The following ABCC6 variants were observed in gnomAD, a reference collection of about 807,000 sequenced individuals.
The protein encoded by ABCC6 is ATP-binding cassette sub-family C member 6.
In ABCC6, 126 loss-of-function variants were observed where a neutral mutation model predicts 169.5. That is an observed-to-expected ratio of 0.74 (90% CI 0.64 to 0.86). The LOEUF (loss-of-function observed/expected upper bound fraction) is 0.86. Among genes scored for constraint, ABCC6 ranks in the 40% least tolerant of loss-of-function variants. The probability of loss-of-function intolerance (pLI) is 0.00; values close to 1 mark genes in which losing one functional copy is unlikely to be tolerated. For synonymous variants in ABCC6, 752 were observed against 814.7 expected, an observed-to-expected ratio of 0.92 and a Z score of 1.31; for missense variants, 1,733 against 1,927.2, an observed-to-expected ratio of 0.90 and a Z score of 1.89.
chr16:16,149,978 A>T lies in ABCC6; in HGVS notation c.*155T>A. 1 of 1,171,142 alleles carries T rather than the reference A, an allele frequency of 8.5e-7. No individual in the cohort carries two copies. The highest frequency in any genetic ancestry group is 2.6e-5 in the East Asian group (1 of 39,018). The allele number at this position is 1,171,142 out of a possible 1,614,324, so 72.5% of individuals were successfully genotyped here. A position where few individuals can be genotyped will look rare whatever the true frequency, so the allele number is the denominator to read the frequency against. Reference sequence around the variant, plus strand: ...CCTTCCGGCTCTGATGCTCTGTGATAATTGGCCACTTTCTCTGCCATTTTC... The same window carrying T: ...CCTTCCGGCTCTGATGCTCTGTGATTATTGGCCACTTTCTCTGCCATTTTC... On this transcript the variant is annotated 3_prime_UTR_variant, in exon 31 of 31. Coordinates refer to ENST00000205557, the MANE Select transcript of ABCC6 (RefSeq NM_001171.6).
chr16:16,214,363 C>T lies in ABCC6; in HGVS notation c.561G>A (p.Ala187=), dbSNP rs772153614. The stretch of plus-strand genomic sequence containing the variant: ...CTTCAGGGAAGAAGGGGGGTTGATC[C>T]GCCAGGCAGGACAGCACAAACTGTG... ...VVAQFVLSCL[A]DQPPFFPEDP... The change falls in exon 5 of 31, where the codon GCG becomes GCA. Residue 187 remains alanine (A), a synonymous_variant. Coordinates refer to ENST00000205557, the MANE Select transcript of ABCC6 (RefSeq NM_001171.6). 3.1e-5 allele frequency: 48 copies of T among 1,550,640 alleles called. No homozygotes were observed. In the Middle Eastern group the frequency reaches 8.3e-4, roughly 27 times the overall value.
In ABCC6 at chr16:16,151,866, G is replaced by A. The variant is rs114775439; in HGVS notation, c.4209-1094C>T. Among the ~76,000 whole-genome samples, 1,026 of 152,134 alleles carry A rather than the reference G, an allele frequency of 6.7e-3. 11 individuals are homozygous for A. Among genetic ancestry groups the A allele is most frequent in the African/African-American group, 0.023 (955 of 41,498 alleles). The stretch of plus-strand genomic sequence containing the variant: ...CAGAGTCTGTGCTCCTAATGGATCC[G>A]TCCTCGCTGAATCGTGACGACATGG... On this transcript the variant is annotated intron_variant, in intron 29 of 30. Coordinates refer to ENST00000205557, the MANE Select transcript of ABCC6 (RefSeq NM_001171.6).
At chr16:16,187,239 CAGCAAGAAG>C in intron 13 of ABCC6, 28 bp from the exon 14 acceptor site, 2 of 1,595,458 alleles carry the variant, frequency 1.3e-6, no homozygotes, top group Non-Finnish European at 1.7e-6. Context: ...GCAGGTCACC[CAGCAAGAAG>C]AGCAAAGAAC....
rs2048760538 is a variant in ABCC6, at chr16:16,214,190, T to C, written c.600+134A>G. ...CCATATAGAAAAAGTCTGCCAACTGTGGCATCGAGTAGAAATGTGGTACAC... is the reference window on the plus strand; with the variant it reads ...CCATATAGAAAAAGTCTGCCAACTGCGGCATCGAGTAGAAATGTGGTACAC... On this transcript the variant is annotated intron_variant, in intron 5 of 30. Transcript: ENST00000205557. 3.4e-5 allele frequency: 51 copies of C among 1,514,984 alleles called. No homozygotes were observed. The South Asian group carries it at 5.7e-4, about 17-fold the overall frequency. The allele number at this position is 1,514,984 out of a possible 1,614,324, so 93.8% of individuals were successfully genotyped here.
chr16:16,182,537 C>A lies in ABCC6; in HGVS notation c.2122G>T (p.Val708Leu). ...QEAWVQNTSV[V>L]ENVCFGQELD... ...TCCTGCCCGAAGCACACATTCTCTA[C>A]CACAGAGGTGTTCTGCACCCAGGCC... Residue 708 changes from valine (V) to leucine (L), a missense_variant, in exon 17 of 31, where the codon GTA becomes TTA. Transcript: ENST00000205557. 6.2e-7 allele frequency: 1 copy of A among 1,614,156 alleles called. No homozygotes were observed. Among genetic ancestry groups the A allele is most frequent in the Non-Finnish European group, 8.5e-7 (1 of 1,179,996 alleles).
intron 4 of ABCC6, among the ~76,000 whole-genome samples, chr16:16,215,156 G>A (rs1258773445): frequency 1.3e-5 from 2 of 152,188 alleles, no homozygotes; most frequent in Non-Finnish European, 2.9e-5. Context: ...GATGAGAGCT[G>A]GTTTTATTGA....
Position 16,185,042 on chromosome 16 carries a change from G to A in ABCC6, c.1868-8C>T. On this transcript the variant is annotated splice_region_variant and splice_polypyrimidine_tract_variant and intron_variant, in intron 14 of 30. Transcript: ENST00000205557. The stretch of plus-strand genomic sequence containing the variant: ...TGCAATCCTTCCCGGCAGCTGCAGG[G>A]CACAAGAGGCCATTTACAGGAGACC... 1.2e-6 allele frequency: 2 copies of A among 1,612,152 alleles called. No individual in the cohort carries two copies.
intron 9 of ABCC6, among the ~76,000 whole-genome samples, chr16:16,200,324 G>T (rs936432213): frequency 2.0e-5 from 3 of 150,812 alleles, no homozygotes; most frequent in Admixed American, 1.3e-4. Context: ...AGCTACTCAG[G>T]AAGCTGAGAC....
At chr16:16,214,233 A>C (rs1352954395) in intron 5 of ABCC6, 91 bp downstream of exon 5, 5 of 1,545,744 alleles carry the variant, frequency 3.2e-6, no homozygotes, top group East Asian at 2.4e-5. Context: ...TGAATGGCTA[A>C]ATGAATAAAA....
chr16:16,161,403 G>T, intron 25 of ABCC6, 35 bp downstream of exon 25: 1 of 1,613,380 alleles, frequency 6.2e-7, no homozygotes, highest in Non-Finnish European at 8.5e-7. Flanking sequence ...GCCTCTGTCT[G>T]TCCCTCAAGC....
chr16:16,170,170 G>A (rs201134336), intron 21 of ABCC6, among the ~76,000 whole-genome samples: 1 of 150,930 alleles, frequency 6.6e-6, no homozygotes, highest in Non-Finnish European at 1.5e-5. Context: ...GCATGATCAT[G>A]GCTCACTGCA....
intron 10 of ABCC6, among the ~76,000 whole-genome samples, chr16:16,195,154 G>T (rs1372113516): frequency 6.6e-6 from 1 of 152,026 alleles, no homozygotes; most frequent in Non-Finnish European, 1.5e-5. Context: ...GGGAAAAATG[G>T]TATCATTAAA....
Position 16,192,871 on chromosome 16 carries a change from G to T in ABCC6, c.1390C>A (p.Pro464Thr), listed in dbSNP as rs1471414245. Residue 464 changes from proline to threonine, a missense_variant, in exon 11 of 31, where the codon CCT becomes ACT. Coordinates refer to ENST00000205557, the MANE Select transcript of ABCC6 (RefSeq NM_001171.6). Reference sequence around the variant, plus strand: ...TTCTTGGAGATGAAGAAATTCAGAGGGAGGAGGCTCAGGAAGACAGCGATG... The same window carrying T: ...TTCTTGGAGATGAAGAAATTCAGAGTGAGGAGGCTCAGGAAGACAGCGATG... ...TAIAVFLSLL[P>T]LNFFISKKRN... 6.2e-7 allele frequency: 1 copy of T among 1,614,008 alleles called. No homozygotes were observed. Among genetic ancestry groups the T allele is most frequent in the Non-Finnish European group, 8.5e-7 (1 of 1,180,040 alleles).
At chr16:16,150,865 A>C in intron 29 of ABCC6, 93 bp from the exon 30 acceptor site, 1 of 1,547,232 alleles carries the variant, frequency 6.5e-7, no homozygotes, top group Non-Finnish European at 8.8e-7. Context: ...GAAGCAGTGC[A>C]GGAGTGAGGT....
intron 15 of ABCC6, among the ~76,000 whole-genome samples, chr16:16,183,385 G>A (rs28588983): frequency 1.9e-4 from 29 of 151,648 alleles, no homozygotes; most frequent in African/African-American, 6.1e-4. Context: ...CCTCCCTCCC[G>A]CTACTCTTGG....
At chr16:16,190,763 G>T (rs2047823709) in intron 11 of ABCC6, among the ~76,000 whole-genome samples, 1 of 151,074 alleles carries the variant, frequency 6.6e-6, no homozygotes, top group Non-Finnish European at 1.5e-5. Context: ...CGAGCTCCTG[G>T]GCTCAAGTGA....
Position 16,163,149 on chromosome 16 carries a change from G to A in ABCC6, c.3350C>T (p.Ser1117Leu). Residue 1117 changes from serine (S) to leucine (L), a missense_variant, in exon 24 of 31, where the codon TCA (serine) becomes TTA (leucine). Physicochemically the swap from Ser to Leu is moderately radical, Grantham distance 145. This residue lies in a region of ABCC6 where 1,601 missense variants were observed against 1,635.5 expected (regional missense o/e 0.98). Transcript: ENST00000205557. Reference sequence around the variant, plus strand: ...GGAGCAGACAGACGAGTAGCTGGCTGACTCCAAGCGTCTCAGCTGGCATGA... The same window carrying A: ...GGAGCAGACAGACGAGTAGCTGGCTAACTCCAAGCGTCTCAGCTGGCATGA... ...VSSCQLRRLESASYSSVCSHM... is the reference protein window; with the variant it reads ...VSSCQLRRLELASYSSVCSHM... The A allele has an allele frequency of 6.2e-7, 1 of 1,613,750 alleles. No homozygotes were observed. Among genetic ancestry groups the A allele is most frequent in the South Asian group, 1.1e-5 (1 of 91,082 alleles).
intron 8 of ABCC6, 71 bp downstream of exon 8, chr16:16,203,339 C>T: frequency 1.2e-6 from 2 of 1,602,718 alleles, no homozygotes; most frequent in Non-Finnish European, 1.7e-6. Flanking sequence ...AGAGCTGAAG[C>T]CCCCTGGCCC....
At chr16:16,213,082 ATTTTT>A (rs55813185) in intron 5 of ABCC6, among the ~76,000 whole-genome samples, 2 of 138,826 alleles carry the variant, frequency 1.4e-5, no homozygotes. Flanking sequence ...CCTTCGAGCA[ATTTTT>A]TTTTTTTTTT....
Sources: gnomAD v4.1 joint callset for allele counts (sites outside exome capture counted in the v4.1 genomes callset) on GRCh38, gnomAD v4.1.1 for gene constraint, gnomAD v4.1.1 regional missense constraint, MANE v1.5 for transcripts, NCBI Gene and HGNC (gene_info 2026-07-23, HGNC 2026-07-21) for gene names.